The following COL5A2 variants were observed in gnomAD, a reference collection of about 807,000 sequenced individuals.
The protein encoded by COL5A2 is collagen type V alpha 2 chain.
In COL5A2, 23 loss-of-function variants were observed where a neutral mutation model predicts 208.2. That is an observed-to-expected ratio of 0.11 (90% CI 0.08 to 0.16). COL5A2 has a LOEUF of 0.16. COL5A2 is among the 10% of genes least tolerant of loss of function. The probability of loss-of-function intolerance (pLI) is 1.00; values close to 1 mark genes in which losing one functional copy is unlikely to be tolerated. For synonymous variants in COL5A2, 625 were observed against 628.5 expected (o/e 0.99, Z 0.08); for missense variants, 1,590 against 1,956.4 (o/e 0.81, Z 3.53).
chr2:189,112,478 T>A (rs1037910344), intron 1 of COL5A2, among the ~76,000 whole-genome samples: 4 of 152,324 alleles, frequency 2.6e-5, no homozygotes, highest in Non-Finnish European at 5.9e-5. Context: ...AAAGCTGGAA[T>A]AAAAACATTT....
intron 21 of COL5A2, among the ~76,000 whole-genome samples, chr2:189,067,597 T>G (rs997114330): frequency 3.3e-5 from 5 of 152,186 alleles, no homozygotes; most frequent in African/African-American, 1.2e-4. Flanking sequence ...ATCTGATTAA[T>G]ATATTTGAAT....
chr2:189,182,597 C>A (rs193162541), upstream of COL5A2, among the ~76,000 whole-genome samples: 140 of 152,260 alleles, frequency 9.2e-4, no homozygotes, highest in Middle Eastern at 3.4e-3. Flanking sequence ...CCTTCAGCTA[C>A]TTCTTTCTGG....
At position 189,033,721 on chromosome 2, in the gene COL5A2, C is replaced by A; in HGVS notation, c.*349G>T. ...GCTACCTGCCAGGAAGAAGAATTTC[C>A]TCATAAATACTAAGCAACTTTTTCA... On this transcript the variant is annotated 3_prime_UTR_variant, in exon 54 of 54. Coordinates refer to ENST00000374866, the MANE Select transcript of COL5A2 (RefSeq NM_000393.5). 3.4e-6 allele frequency: 1 copy of A among 294,548 alleles called. No individual in the cohort carries two copies. Among genetic ancestry groups the A allele is most frequent in the Non-Finnish European group, 6.6e-6 (1 of 152,134 alleles). The allele number at this position is 294,548 out of a possible 1,614,324, so 18.2% of individuals were successfully genotyped here.
At chr2:189,353,563 G>C in the COL5A2 span, among the ~76,000 whole-genome samples, 3 of 152,128 alleles carry the variant, frequency 2.0e-5, no homozygotes, top group Non-Finnish European at 4.4e-5. Flanking sequence ...TTGTGAATGA[G>C]AGTTCACTCA....
intron 17 of COL5A2, among the ~76,000 whole-genome samples, chr2:189,073,532 C>T (rs1686332047): frequency 6.6e-6 from 1 of 152,096 alleles, no homozygotes; most frequent in Non-Finnish European, 1.5e-5. Context: ...TTGGATTGGA[C>T]ATCAATATTT....
the COL5A2 span, among the ~76,000 whole-genome samples, chr2:189,331,253 A>C: frequency 2.1e-3 from 318 of 152,278 alleles, 3 homozygotes; most frequent in African/African-American, 6.6e-3. Flanking sequence ...TAAACAGGCC[A>C]GGTGCAGTGG....
the COL5A2 span, among the ~76,000 whole-genome samples, chr2:189,379,846 G>A: frequency 2.6e-5 from 4 of 152,102 alleles, no homozygotes; most frequent in Non-Finnish European, 4.4e-5. Context: ...TCAGAAAGAA[G>A]GTAAATAAGA....
chr2:189,363,966 T>C, the COL5A2 span, among the ~76,000 whole-genome samples: 3 of 152,178 alleles, frequency 2.0e-5, no homozygotes, highest in Admixed American at 1.3e-4. Flanking sequence ...AATATGTTCA[T>C]ACAGGAAGGG....
At chr2:189,386,815 C>CA in the COL5A2 span, among the ~76,000 whole-genome samples, 1 of 151,738 alleles carries the variant, frequency 6.6e-6, no homozygotes, top group East Asian at 1.9e-4. Flanking sequence ...GTTAAAAAGT[C>CA]AAAAAAATAA....
chr2:189,369,386 G>A, the COL5A2 span, among the ~76,000 whole-genome samples: 2 of 151,892 alleles, frequency 1.3e-5, no homozygotes, highest in Non-Finnish European at 2.9e-5. Flanking sequence ...ATCTTTTTAT[G>A]CTTAAACTTT....
the COL5A2 span, among the ~76,000 whole-genome samples, chr2:189,317,969 C>T: frequency 1.3e-5 from 2 of 152,096 alleles, no homozygotes; most frequent in African/African-American, 4.8e-5. Flanking sequence ...CTCACTTGTT[C>T]CTGACAAAAT....
the COL5A2 span, among the ~76,000 whole-genome samples, chr2:189,374,987 A>G: frequency 6.9e-4 from 105 of 152,124 alleles, no homozygotes; most frequent in Non-Finnish European, 1.3e-3. Flanking sequence ...AAATCTGAAC[A>G]AAATGTTAAA....
intron 1 of COL5A2, among the ~76,000 whole-genome samples, chr2:189,219,618 G>A (rs1000192530): frequency 1.3e-5 from 2 of 152,144 alleles, no homozygotes; most frequent in Non-Finnish European, 2.9e-5. Context: ...ACTTAGGTAA[G>A]ATAGAATTAT....
chr2:189,303,116 C>T, the COL5A2 span, among the ~76,000 whole-genome samples: 1 of 152,152 alleles, frequency 6.6e-6, no homozygotes, highest in African/African-American at 2.4e-5. Flanking sequence ...GCAGAAGTTA[C>T]AGCCACAGTG....
At chr2:189,430,918 T>C in the COL5A2 span, among the ~76,000 whole-genome samples, 3 of 152,136 alleles carry the variant, frequency 2.0e-5, no homozygotes, top group Non-Finnish European at 2.9e-5. Context: ...CACCTCCCAG[T>C]AGGGGCCTAC....
rs563903500 is a variant in COL5A2 at position 189,179,644 on chromosome 2, A to G, written c.-40T>C. On this transcript the variant is annotated 5_prime_UTR_variant, in exon 1 of 54. Transcript: ENST00000374866. Reference sequence around the variant, plus strand: ...CATGTGGGTTCTCCTGAGAGTGAAAAGTAGATTCTGAGGTTATTGTAGCAC... The same window carrying G: ...CATGTGGGTTCTCCTGAGAGTGAAAGGTAGATTCTGAGGTTATTGTAGCAC... 1.6e-5 allele frequency: 25 copies of G among 1,571,302 alleles called. No homozygotes were observed. Among genetic ancestry groups the G allele is most frequent in the South Asian group, 1.5e-4 (13 of 86,452 alleles).
At chr2:189,071,003 T>C (rs1686263389) in intron 18 of COL5A2, among the ~76,000 whole-genome samples, 1 of 152,206 alleles carries the variant, frequency 6.6e-6, no homozygotes, top group African/African-American at 2.4e-5. Context: ...ACTTGGTGAT[T>C]CTCACATTTT....
chr2:189,270,340 T>C, the COL5A2 span, among the ~76,000 whole-genome samples: 2 of 152,188 alleles, frequency 1.3e-5, no homozygotes, highest in African/African-American at 4.8e-5. Flanking sequence ...GTGTCGATTT[T>C]AGATCTTTCC....
the COL5A2 span, among the ~76,000 whole-genome samples, chr2:189,239,180 C>T: frequency 1.3e-5 from 2 of 151,798 alleles, no homozygotes; most frequent in Non-Finnish European, 2.9e-5. Flanking sequence ...GTTGACAGAA[C>T]TTCTGATTTT....
Sources: gnomAD v4.1 joint callset for allele counts (sites outside exome capture counted in the v4.1 genomes callset) on GRCh38, gnomAD v4.1.1 for gene constraint, MANE v1.5 for transcripts, NCBI Gene and HGNC (gene_info 2026-07-23, HGNC 2026-07-21) for gene names.